TBCE: variants seen among roughly 807,000 people sequenced by gnomAD.
TBCE encodes the protein tubulin folding cofactor E.
TBCE carries 53 observed loss-of-function variants against 77.0 expected under a neutral mutation model. The observed-to-expected ratio is 0.69, with a 90% CI of 0.55 to 0.87. The LOEUF (loss-of-function observed/expected upper bound fraction) is 0.87, where lower values mean the gene tolerates loss of function less well. TBCE is among the 40% of genes least tolerant of loss of function. The pLI is 0.00. For synonymous variants in TBCE, 235 were observed against 241.3 expected (o/e 0.97, Z 0.24); for missense variants, 624 against 622.4 (o/e 1.00, Z -0.03).
chr1:235,408,915 T>C (rs540911321), intron 3 of TBCE, among the ~76,000 whole-genome samples: 6 of 152,216 alleles, frequency 3.9e-5, no homozygotes, highest in South Asian at 2.1e-4. Flanking sequence ...TGGGAGTCTG[T>C]TGGGGACCCT....
At chr1:235,409,086 C>T (rs1397051294) in intron 3 of TBCE, among the ~76,000 whole-genome samples, 2 of 145,944 alleles carry the variant, frequency 1.4e-5, no homozygotes, top group African/African-American at 2.5e-5. Flanking sequence ...TGCTGTTTAT[C>T]TGAAATACAA....
At chr1:235,430,684 G>T (rs1345833124) in intron 6 of TBCE, 21 bp from the exon 7 acceptor site, 9 of 1,560,522 alleles carry the variant, frequency 5.8e-6, no homozygotes, top group Non-Finnish European at 7.9e-6. Flanking sequence ...TAAGTACATT[G>T]TATCTTTTTT....
chr1:235,435,911 T>G, intron 9 of TBCE, 71 bp downstream of exon 9: 1 of 1,284,886 alleles, frequency 7.8e-7, no homozygotes, highest in Middle Eastern at 1.8e-4. Flanking sequence ...TCATATGCTA[T>G]GTATGCTTTC....
At chr1:235,434,093 C>T (rs1008109819) in intron 7 of TBCE, 111 bp from the exon 8 acceptor site, 2 of 946,934 alleles carry the variant, frequency 2.1e-6, no homozygotes, top group African/African-American at 1.6e-5. Context: ...CCGTGAGGCA[C>T]TTGTTTGCTG....
chr1:235,419,173 C>T (rs940431927), intron 4 of TBCE: 2 of 443,186 alleles, frequency 4.5e-6, no homozygotes, highest in Non-Finnish European at 8.3e-6. Context: ...TGCCACTGCA[C>T]TCCAGCCTGG....
At chr1:235,372,004 T>G (rs1032167526) in intron 1 of TBCE, among the ~76,000 whole-genome samples, 13 of 149,934 alleles carry the variant, frequency 8.7e-5, no homozygotes, top group African/African-American at 2.9e-4. Flanking sequence ...TTTTGTACAA[T>G]AGGGTCTCCC....
At chr1:235,387,874 G>C (rs1271820371) in intron 2 of TBCE, among the ~76,000 whole-genome samples, 6 of 152,126 alleles carry the variant, frequency 3.9e-5, no homozygotes, top group Non-Finnish European at 1.5e-5. Context: ...TATTAGGAAA[G>C]TAAAGGAATA....
rs181465148 is a variant in TBCE at position 235,373,109 on chromosome 1, T to C, written c.-32+5605T>C. On this transcript the variant is annotated intron_variant, in intron 1 of 16. Transcript: ENST00000642610. ...AGCACTTTGGGAATCCTCAGGAGGATTGCTTGAGCCCAGGAGTTAAAGACC... is the reference window on the plus strand; with the variant it reads ...AGCACTTTGGGAATCCTCAGGAGGACTGCTTGAGCCCAGGAGTTAAAGACC... 1.2e-3 allele frequency among the ~76,000 whole-genome samples: 178 copies of C among 152,018 alleles called. 2 individuals are homozygous for C. The highest frequency in any genetic ancestry group is 3.9e-3 in the African/African-American group (160 of 41,474).
chr1:235,405,951 G>A (rs983877413), intron 3 of TBCE, among the ~76,000 whole-genome samples: 2 of 152,134 alleles, frequency 1.3e-5, no homozygotes, highest in African/African-American at 2.4e-5. Context: ...TGATCTACAC[G>A]TCATTATGTG....
At chr1:235,420,942 A>G (rs534244634) in intron 5 of TBCE, among the ~76,000 whole-genome samples, 1 of 152,242 alleles carries the variant, frequency 6.6e-6, no homozygotes, top group Admixed American at 6.5e-5. Context: ...GTTATTTTTT[A>G]GTGGGAAAGA....
intron 5 of TBCE, among the ~76,000 whole-genome samples, chr1:235,425,718 C>T (rs191609088): frequency 2.0e-4 from 31 of 152,168 alleles, no homozygotes; most frequent in Admixed American, 5.9e-4. Flanking sequence ...CCCCTCTGCT[C>T]GAGTCACACA....
chr1:235,383,625 A>G (rs1414114914), intron 2 of TBCE, among the ~76,000 whole-genome samples: 3 of 152,034 alleles, frequency 2.0e-5, no homozygotes, highest in East Asian at 1.9e-4. Flanking sequence ...TTTGTCTGTT[A>G]TTGGTGTATA....
intron 13 of TBCE, among the ~76,000 whole-genome samples, chr1:235,439,467 G>A (rs1681689807): frequency 6.6e-6 from 1 of 151,624 alleles, no homozygotes. Flanking sequence ...CTGTACTCCA[G>A]CCTGGGCGAC....
rs1459819286 is a variant in TBCE, at chr1:235,437,392, C to A, written c.1034C>A (p.Thr345Asn). The change falls in exon 12 of 17, where the codon ACC (threonine) becomes AAC (asparagine). Residue 345 changes from threonine to asparagine, a missense_variant. Thr to Asn is a moderately conservative substitution (Grantham distance 65, BLOSUM62 0). Coordinates refer to ENST00000642610, the MANE Select transcript of TBCE (RefSeq NM_003193.5). ...TTGTCCTGCCTAAGAAACCCCCTGA[C>A]CAAAGAGGACAAAGAAGCAGAGACG... The part of the protein sequence containing the change: ...RALSCLRNPL[T>N]KEDKEAETAR... The A allele has an allele frequency of 6.2e-7, 1 of 1,614,074 alleles. No homozygotes were observed. The highest frequency in any genetic ancestry group is 2.2e-5 in the East Asian group (1 of 44,886).
intron 2 of TBCE, among the ~76,000 whole-genome samples, chr1:235,399,569 G>A (rs896349073): frequency 9.8e-5 from 15 of 152,326 alleles, no homozygotes; most frequent in African/African-American, 3.6e-4. Context: ...AGCTGAATCT[G>A]TGAAGGTTCT....
chr1:235,415,896 G>A (rs1020125392), intron 4 of TBCE: 4 of 152,022 alleles, frequency 2.6e-5, no homozygotes, highest in African/African-American at 7.2e-5. Flanking sequence ...GGCTGGGTGC[G>A]GTGGCTTATG....
At position 235,427,134 on chromosome 1, in the gene TBCE, T is replaced by C. The variant is rs1680767338; in HGVS notation, c.461-6T>C. The C allele has an allele frequency of 1.9e-6, 3 of 1,592,388 alleles. No individual in the cohort carries two copies. The highest frequency in any genetic ancestry group is 2.6e-6 in the Non-Finnish European group (3 of 1,160,430). On this transcript the variant is annotated splice_polypyrimidine_tract_variant and splice_region_variant and intron_variant, in intron 5 of 16. Transcript: ENST00000642610. ...GAAATTACTGTTTCTTAACATGTGC[T>C]TTTAGATATCAGAAAGGTAGATTTG... is the stretch of plus-strand genomic sequence containing the variant.
chr1:235,385,877 T>C (rs1209146474), intron 2 of TBCE, among the ~76,000 whole-genome samples: 6 of 152,210 alleles, frequency 3.9e-5, no homozygotes, highest in Admixed American at 1.3e-4. Flanking sequence ...TAGCTGTTTA[T>C]TTTGCTCGTT....
Position 235,436,353 on chromosome 1 carries a change from C to A in TBCE, c.834-33C>A, listed in dbSNP as rs750438042. On this transcript the variant is annotated intron_variant, in intron 9 of 16. Transcript: ENST00000642610. ...ATACCCCATAGCATTTTACATTGTT[C>A]TGTGTAATCAAATTGTACATTTTGA... The A allele has an allele frequency of 5.0e-6, 8 of 1,597,760 alleles. No individual in the cohort carries two copies. In the Admixed American group the frequency reaches 1.0e-4, roughly 20 times the overall value.
Sources: allele counts gnomAD v4.1 joint callset (sites outside exome capture counted in the v4.1 genomes callset), GRCh38; gene constraint gnomAD v4.1.1; transcripts MANE v1.5; gene names NCBI Gene and HGNC (gene_info 2026-07-23, HGNC 2026-07-21).